The following DDI2 variants were observed in gnomAD, a reference collection of about 807,000 sequenced individuals.
DDI2 encodes protein DDI1 homolog 2.
Under a neutral mutation model 48.1 loss-of-function variants are expected in DDI2, and 5 were observed. The observed-to-expected ratio is 0.10, with a 90% CI of 0.05 to 0.22. The LOEUF is 0.22. Ranked by LOEUF, DDI2 falls within the 10% of genes least tolerant of loss-of-function variation. The pLI is 1.00. For missense variants in DDI2, 285 were observed against 506.2 expected (o/e 0.56, Z 4.19); for synonymous variants, 205 against 183.6 (o/e 1.12, Z -0.94).
intron 8 of DDI2, among the ~76,000 whole-genome samples, chr1:15,655,766 A>C (rs997583605): frequency 1.1e-4 from 17 of 151,452 alleles, no homozygotes; most frequent in Non-Finnish European, 1.3e-4. Context: ...AAAAAAAAAA[A>C]AGAAAAAAAA....
At chr1:15,625,078 T>C (rs777906985) in intron 1 of DDI2, among the ~76,000 whole-genome samples, 44 of 152,366 alleles carry the variant, frequency 2.9e-4, no homozygotes, top group Middle Eastern at 6.8e-3. Context: ...AGAGCAGATA[T>C]GGCATAATCA....
intron 8 of DDI2, among the ~76,000 whole-genome samples, chr1:15,655,933 A>C (rs182063036): frequency 1.3e-5 from 2 of 152,108 alleles, no homozygotes; most frequent in East Asian, 3.9e-4. Context: ...CAAAAAAACA[A>C]CAAAAAAAAG....
intron 8 of DDI2, 23 bp downstream of exon 8, chr1:15,651,918 T>TAG (rs762285411): frequency 1.7e-5 from 27 of 1,604,770 alleles, no homozygotes; most frequent in Non-Finnish European, 2.0e-5. Context: ...GCCAAACTCT[T>TAG]CAATACTTGT....
At chr1:15,622,891 C>G (rs1380175303) in intron 1 of DDI2, among the ~76,000 whole-genome samples, 3 of 152,194 alleles carry the variant, frequency 2.0e-5, no homozygotes, top group Non-Finnish European at 2.9e-5. Context: ...AAATGGAGCA[C>G]AGCTGCTGCT....
chr1:15,654,688 C>G (rs1236836647), intron 8 of DDI2, among the ~76,000 whole-genome samples: 3 of 151,512 alleles, frequency 2.0e-5, no homozygotes, highest in African/African-American at 7.3e-5. Flanking sequence ...AGAATTGACT[C>G]CCATCACTTT....
intron 9 of DDI2, 67 bp from the exon 10 acceptor site, chr1:15,659,770 T>G (rs548458944): frequency 6.9e-7 from 1 of 1,449,882 alleles, no homozygotes; most frequent in Admixed American, 2.5e-5. Context: ...ATTTGTATCC[T>G]CTGGTAATTT....
At chr1:15,632,400 G>A (rs975916868) in intron 3 of DDI2, among the ~76,000 whole-genome samples, 1 of 152,034 alleles carries the variant, frequency 6.6e-6, no homozygotes, top group African/African-American at 2.4e-5. Context: ...GGACGTGGTG[G>A]CAGGTACCTG....
chr1:15,637,711 A>T (rs1639950470), intron 4 of DDI2, among the ~76,000 whole-genome samples: 1 of 152,306 alleles, frequency 6.6e-6, no homozygotes, highest in East Asian at 1.9e-4. Context: ...GATCAAATGA[A>T]CTATGAAACA....
At position 15,643,078 on chromosome 1, in the gene DDI2, A is replaced by C. The variant is rs979378490; in HGVS notation, c.761-444A>C. On this transcript the variant is annotated intron_variant, in intron 5 of 9. Coordinates refer to ENST00000480945, the MANE Select transcript of DDI2 (RefSeq NM_032341.5). ...CGAGACTGTCTCAACAACAAAAAAA[A>C]AAACATTAGCTGGACATGATGGCGC... Among the ~76,000 whole-genome samples, 7 of 152,138 alleles carry C rather than the reference A, an allele frequency of 4.6e-5. No individual in the cohort carries two copies. The South Asian group carries it at 1.4e-3, about 31-fold the overall frequency.
At position 15,660,073 on chromosome 1, in the gene DDI2, AAAGAACATCTTTCTTTAC is replaced by A; in HGVS notation, c.*288_*305del. The A allele has an allele frequency of 6.2e-7, 1 of 1,613,956 alleles. No individual in the cohort carries two copies. Among genetic ancestry groups the A allele is most frequent in the South Asian group, 1.1e-5 (1 of 91,050 alleles). On this transcript the variant is annotated 3_prime_UTR_variant, in exon 10 of 10. Transcript: ENST00000480945. ...TGAATTCCAGCTAAACTCTGAAAAG[AAAGAACATCTTTCTTTAC>A]AAGATCTTTCTGATCATGCTTCCTC...
Position 15,617,600 on chromosome 1 carries a change from C to T in DDI2, c.-71C>T, listed in dbSNP as rs1228075876. ...CTCCCGCAGCACCAGCCAGGCCACG[C>T]CGCCGCCTCTTCCCCTGCGCCCCGC... On this transcript the variant is annotated 5_prime_UTR_variant, in exon 1 of 10. Coordinates refer to ENST00000480945, the MANE Select transcript of DDI2 (RefSeq NM_032341.5). 12 of 1,237,198 alleles carry T rather than the reference C, an allele frequency of 9.7e-6. No individual in the cohort carries two copies. In the South Asian group the frequency reaches 1.8e-4, roughly 18 times the overall value. 76.6% of individuals were successfully genotyped at this position (1,237,198 alleles called of 1,614,324 possible). A position where few individuals can be genotyped will look rare whatever the true frequency, so the allele number is the denominator to read the frequency against.
chr1:15,618,114 G>T (rs1300184715), intron 1 of DDI2, among the ~76,000 whole-genome samples: 1 of 152,146 alleles, frequency 6.6e-6, no homozygotes, highest in Non-Finnish European at 1.5e-5. Flanking sequence ...TTGGCTCTTT[G>T]GCCCTTCCCT....
Position 15,633,577 on chromosome 1 carries a change from T to A in DDI2, c.632+12T>A. On this transcript the variant is annotated intron_variant, in intron 4 of 9. Transcript: ENST00000480945. ...GAAGAAGATATAAGGTAAAGACCTGTTCATCTAAAGAACAAAACTTAGAGA... is the reference window on the plus strand; with the variant it reads ...GAAGAAGATATAAGGTAAAGACCTGATCATCTAAAGAACAAAACTTAGAGA... The A allele has an allele frequency of 1.9e-6, 3 of 1,609,272 alleles. No homozygotes were observed. The highest frequency in any genetic ancestry group is 2.5e-6 in the Non-Finnish European group (3 of 1,177,530).
rs35549389 is a variant in DDI2 at position 15,661,107 on chromosome 1, A to G, written c.*1317A>G. ...TTACCCAGAATGAACAGTGTCCACA[A>G]GTCTCCTTTCATCAGGCCATATCTG... On this transcript the variant is annotated 3_prime_UTR_variant, in exon 10 of 10. Coordinates refer to ENST00000480945, the MANE Select transcript of DDI2 (RefSeq NM_032341.5). The G allele has an allele frequency of 0.026, 41,310 of 1,613,884 alleles. 622 individuals carry two copies. The highest frequency in any genetic ancestry group is 0.03 in the Non-Finnish European group (34,861 of 1,179,912).
intron 4 of DDI2, chr1:15,634,427 G>A (rs1257430498): frequency 1.3e-5 from 2 of 152,146 alleles, no homozygotes; most frequent in Non-Finnish European, 2.9e-5. Context: ...GCCTTTTAGG[G>A]ACCGTGTCAT....
At chr1:15,631,174 C>T (rs1639838079) in intron 3 of DDI2, among the ~76,000 whole-genome samples, 1 of 151,086 alleles carries the variant, frequency 6.6e-6, no homozygotes, top group Admixed American at 6.6e-5. Flanking sequence ...GTTAGATCTT[C>T]AATTAAAGAG....
intron 7 of DDI2, among the ~76,000 whole-genome samples, chr1:15,651,222 C>T (rs1305097497): frequency 6.6e-6 from 1 of 152,096 alleles, no homozygotes; most frequent in African/African-American, 2.4e-5. Context: ...ACTGCCTTTC[C>T]TTATTTTTTT....
intron 6 of DDI2, among the ~76,000 whole-genome samples, chr1:15,645,934 A>C (rs939672641): frequency 6.6e-6 from 1 of 151,618 alleles, no homozygotes; most frequent in African/African-American, 2.4e-5. Flanking sequence ...GTAGGCAGCC[A>C]TGGCTCTTGT....
In DDI2 at chr1:15,617,782, T is replaced by A. The variant is rs1639586806; in HGVS notation, c.112T>A (p.Ser38Thr). The change falls in exon 1 of 10, where the codon TCT becomes ACT. Residue 38 changes from serine (S) to threonine (T), a missense_variant. Physicochemically the swap from Ser to Thr is moderately conservative, Grantham distance 58. This residue lies in a region of DDI2 where 149 missense variants were observed against 236.5 expected (regional missense o/e 0.63). Transcript: ENST00000480945. ...HNFRALCELESGIPAAESQIV... is the reference protein window; with the variant it reads ...HNFRALCELETGIPAAESQIV... ...CTTCCGCGCGCTGTGCGAGCTCGAG[T>A]CTGGCATCCCCGCAGCCGAGAGCCA... 8 of 1,605,754 alleles carry A rather than the reference T, an allele frequency of 5.0e-6. No individual in the cohort carries two copies. In the East Asian group the frequency reaches 1.8e-4, roughly 36 times the overall value.
Sources: gnomAD v4.1 joint callset for allele counts (sites outside exome capture counted in the v4.1 genomes callset) on GRCh38, gnomAD v4.1.1 for gene constraint, gnomAD v4.1.1 regional missense constraint, MANE v1.5 for transcripts, NCBI Gene and HGNC (gene_info 2026-07-23, HGNC 2026-07-21) for gene names.